SPATA17: variants seen among roughly 807,000 people sequenced by gnomAD.
SPATA17 encodes spermatogenesis associated 17, also known as spermatogenesis-associated protein 17.
In SPATA17, 53 loss-of-function variants were observed where a neutral mutation model predicts 62.2. The ratio of observed to expected loss-of-function variants is 0.85; its 90% confidence interval spans 0.68 to 1.07. The LOEUF is 1.07. Ranked by LOEUF, SPATA17 falls within the 50% of genes least tolerant of loss-of-function variation. The pLI, the probability that SPATA17 is intolerant of heterozygous loss-of-function variation, is 0.00. For missense variants in SPATA17, 466 were observed against 425.5 expected (o/e 1.10, Z -0.84); for synonymous variants, 146 against 146.8 (o/e 0.99, Z 0.04).
At chr1:217,696,500 A>G (rs1293701555) in intron 5 of SPATA17, among the ~76,000 whole-genome samples, 2 of 152,148 alleles carry the variant, frequency 1.3e-5, no homozygotes, top group Non-Finnish European at 2.9e-5. Context: ...AGCTGTTCCT[A>G]TTCAGCCATC....
chr1:217,834,667 G>A (rs1374987104), intron 9 of SPATA17, among the ~76,000 whole-genome samples: 1 of 152,002 alleles, frequency 6.6e-6, no homozygotes, highest in East Asian at 1.9e-4. Context: ...AGAGTGAAAA[G>A]TTAAAAAAAT....
chr1:217,814,876 GTC>G (rs1054651036), intron 9 of SPATA17, among the ~76,000 whole-genome samples: 4 of 151,870 alleles, frequency 2.6e-5, no homozygotes, highest in African/African-American at 9.7e-5. Context: ...AAGTTTGTAA[GTC>G]TCTAAAAATT....
intron 6 of SPATA17, among the ~76,000 whole-genome samples, chr1:217,758,585 A>G (rs1571785808): frequency 6.6e-6 from 1 of 152,340 alleles, no homozygotes; most frequent in Middle Eastern, 3.4e-3. Flanking sequence ...ACACATGCTC[A>G]TAACCACTAA....
intron 5 of SPATA17, among the ~76,000 whole-genome samples, chr1:217,716,815 G>A (rs1672014803): frequency 6.6e-6 from 1 of 152,184 alleles, no homozygotes; most frequent in Admixed American, 6.5e-5. Flanking sequence ...AGTAAATGGA[G>A]GGCAATCACA....
At chr1:217,675,804 C>T (rs1052041709) in intron 4 of SPATA17, among the ~76,000 whole-genome samples, 3 of 152,086 alleles carry the variant, frequency 2.0e-5, no homozygotes, top group South Asian at 2.1e-4. Context: ...TGCCCCAAAT[C>T]GCACAGCTAG....
chr1:217,663,451 A>G (rs1670614095), intron 3 of SPATA17, among the ~76,000 whole-genome samples: 1 of 152,120 alleles, frequency 6.6e-6, no homozygotes, highest in South Asian at 2.1e-4. Context: ...ATCTCAAAAA[A>G]AAAAAAAAGA....
Position 217,631,402 on chromosome 1 carries a change from A to G in SPATA17, c.24A>G (p.Gln8=). 1.9e-6 allele frequency: 3 copies of G among 1,614,160 alleles called. No individual in the cohort carries two copies. The highest frequency in any genetic ancestry group is 2.5e-6 in the Non-Finnish European group (3 of 1,180,018). Residue 8 remains glutamine (Q), a synonymous_variant, in exon 1 of 11, where the codon CAA becomes CAG. Coordinates refer to ENST00000366933, the MANE Select transcript of SPATA17 (RefSeq NM_138796.4). The part of the protein sequence containing the change: MATLARL[Q]ARSSTVGNQY... Reference sequence around the variant, plus strand: ...CCATGGCCACGTTAGCCCGGCTGCAAGCTAGGTCGTCGACTGTAGGAAATC... The same window carrying G: ...CCATGGCCACGTTAGCCCGGCTGCAGGCTAGGTCGTCGACTGTAGGAAATC...
chr1:217,704,837 C>A (rs939297367), intron 5 of SPATA17, among the ~76,000 whole-genome samples: 2 of 152,036 alleles, frequency 1.3e-5, no homozygotes, highest in Admixed American at 6.6e-5. Context: ...CATGTCTTTG[C>A]TATTGTGAAT....
At chr1:217,836,979 T>A (rs1675274878) in intron 9 of SPATA17, among the ~76,000 whole-genome samples, 1 of 152,088 alleles carries the variant, frequency 6.6e-6, no homozygotes, top group Non-Finnish European at 1.5e-5. Context: ...TTCCACTCTT[T>A]AAAAAAATTA....
intron 9 of SPATA17, among the ~76,000 whole-genome samples, chr1:217,817,099 A>T (rs1413685660): frequency 6.6e-6 from 1 of 152,112 alleles, no homozygotes; most frequent in Non-Finnish European, 1.5e-5. Flanking sequence ...ATTTTAGTGA[A>T]ATCTGAAGCC....
At chr1:217,735,826 T>C (rs925064654) in intron 5 of SPATA17, among the ~76,000 whole-genome samples, 3 of 152,050 alleles carry the variant, frequency 2.0e-5, no homozygotes, top group African/African-American at 4.8e-5. Flanking sequence ...GCAAAAAGAA[T>C]GTGACCATCT....
intron 6 of SPATA17, among the ~76,000 whole-genome samples, chr1:217,743,366 T>G (rs2102949139): frequency 6.6e-6 from 1 of 152,274 alleles, no homozygotes; most frequent in Admixed American, 6.5e-5. Context: ...AAAATTCCTT[T>G]TAGCAGAAAA....
intron 9 of SPATA17, among the ~76,000 whole-genome samples, chr1:217,841,521 C>G (rs1675402695): frequency 6.6e-6 from 1 of 151,848 alleles, no homozygotes; most frequent in Admixed American, 6.6e-5. Flanking sequence ...CACCCGTTTC[C>G]TGAGGTTTGC....
chr1:217,650,000 C>A (rs1332470766), intron 2 of SPATA17, among the ~76,000 whole-genome samples: 5 of 147,054 alleles, frequency 3.4e-5, no homozygotes, highest in Non-Finnish European at 7.4e-5. Flanking sequence ...AGTGCAATGG[C>A]ACCATTTCGG....
chr1:217,770,113 G>C (rs941350821), intron 6 of SPATA17, among the ~76,000 whole-genome samples: 1 of 152,150 alleles, frequency 6.6e-6, no homozygotes, highest in African/African-American at 2.4e-5. Context: ...TTATTAGAGA[G>C]AGATCTTTAC....
intron 9 of SPATA17, among the ~76,000 whole-genome samples, chr1:217,810,345 A>G (rs1158808295): frequency 6.6e-6 from 1 of 152,306 alleles, no homozygotes; most frequent in Admixed American, 6.5e-5. Flanking sequence ...TGTTGGTCTC[A>G]TGTATTAGTC....
At chr1:217,866,770 C>A (rs932230361) in intron 10 of SPATA17, 2 of 151,224 alleles carry the variant, frequency 1.3e-5, no homozygotes, top group Admixed American at 1.3e-4. Context: ...GACCTCCTAA[C>A]ATTAACTGAA....
At chr1:217,864,095 G>T (rs755063378) in intron 10 of SPATA17, among the ~76,000 whole-genome samples, 1 of 152,180 alleles carries the variant, frequency 6.6e-6, no homozygotes, top group Non-Finnish European at 1.5e-5. Context: ...GAAATATTCT[G>T]AGCTAATAGG....
intron 7 of SPATA17, among the ~76,000 whole-genome samples, chr1:217,778,065 C>A (rs191538345): frequency 3.2e-4 from 49 of 152,144 alleles, no homozygotes; most frequent in African/African-American, 1.1e-3. Context: ...AACTTTGCAT[C>A]AACAAGCAAT....
Sources: allele counts gnomAD v4.1 joint callset (sites outside exome capture counted in the v4.1 genomes callset), GRCh38; gene constraint gnomAD v4.1.1; transcripts MANE v1.5; gene names NCBI Gene and HGNC (gene_info 2026-07-23, HGNC 2026-07-21).